The following GMDS variants were observed in gnomAD, a reference collection of about 807,000 sequenced individuals.
The protein encoded by GMDS is GDP-mannose 4,6-dehydratase.
Under a neutral mutation model 49.9 loss-of-function variants are expected in GMDS, and 20 were observed. That is an observed-to-expected ratio of 0.40 (90% confidence interval 0.28 to 0.58). The LOEUF is 0.58. Among genes scored for constraint, GMDS ranks in the 20% least tolerant of loss-of-function variants. GMDS has a pLI of 0.42. For missense variants in GMDS, 362 were observed against 481.4 expected, an observed-to-expected ratio of 0.75 and a Z score of 2.32; for synonymous variants, 177 against 178.6, an observed-to-expected ratio of 0.99 and a Z score of 0.07.
At chr6:1,986,582 A>T (rs1432558753) in intron 4 of GMDS, among the ~76,000 whole-genome samples, 1 of 152,204 alleles carries the variant, frequency 6.6e-6, no homozygotes, top group Non-Finnish European at 1.5e-5. Context: ...TAATCTTCAG[A>T]CTTCTCTGTG....
intron 7 of GMDS, among the ~76,000 whole-genome samples, chr6:1,848,225 C>T (rs140534814): frequency 6.6e-5 from 10 of 152,318 alleles, no homozygotes; most frequent in Non-Finnish European, 1.5e-4. Context: ...TCATCATCTA[C>T]CGCTTGTAGA....
Position 2,051,885 on chromosome 6 carries a change from T to G in GMDS, c.345+63886A>C, listed in dbSNP as rs549324637. ...TGTAATGCCAGCACTTTGGGAGGCC[T>G]AGGCGGGCAGATCACGAGGTCAGGA... On this transcript the variant is annotated intron_variant, in intron 4 of 10. Coordinates refer to ENST00000380815, the MANE Select transcript of GMDS (RefSeq NM_001500.4). 4.5e-4 allele frequency among the ~76,000 whole-genome samples: 68 copies of G among 152,002 alleles called. No homozygotes were observed. The East Asian group carries it at 0.012, about 27-fold the overall frequency.
intron 4 of GMDS, among the ~76,000 whole-genome samples, chr6:1,999,319 TCA>T (rs143733673): frequency 0.55 from 58,419 of 105,470 alleles, 12,252 homozygotes; most frequent in Non-Finnish European, 0.58. Context: ...AGACTCTGTC[TCA>T]AAAAAAAAAA....
chr6:2,220,106 C>T (rs1007133074), intron 1 of GMDS, among the ~76,000 whole-genome samples: 1 of 152,150 alleles, frequency 6.6e-6, no homozygotes, highest in African/African-American at 2.4e-5. Flanking sequence ...TGTATAAAAT[C>T]AAAGACTTGT....
chr6:1,751,575 C>T (rs1177237140), intron 7 of GMDS, among the ~76,000 whole-genome samples: 1 of 152,212 alleles, frequency 6.6e-6, no homozygotes, highest in African/African-American at 2.4e-5. Flanking sequence ...CTCACTGCAA[C>T]CTCCGCCTCC....
At chr6:1,631,908 A>C (rs921160077) in intron 9 of GMDS, among the ~76,000 whole-genome samples, 4 of 152,198 alleles carry the variant, frequency 2.6e-5, no homozygotes, top group Non-Finnish European at 5.9e-5. Context: ...AAATTTTTGG[A>C]GAGGTATGGA....
intron 4 of GMDS, among the ~76,000 whole-genome samples, chr6:2,025,888 C>T (rs1433201917): frequency 3.3e-5 from 5 of 152,130 alleles, no homozygotes; most frequent in African/African-American, 1.2e-4. Context: ...TTCTAACAGT[C>T]ACATGGCAAA....
At chr6:1,738,172 TAC>T (rs1224645304) in intron 8 of GMDS, among the ~76,000 whole-genome samples, 72 of 135,740 alleles carry the variant, frequency 5.3e-4, no homozygotes, top group African/African-American at 8.1e-4. Flanking sequence ...CACAGACACA[TAC>T]ACACACACAT....
chr6:1,664,070 T>C (rs1764167645), intron 9 of GMDS, among the ~76,000 whole-genome samples: 1 of 152,242 alleles, frequency 6.6e-6, no homozygotes, highest in Non-Finnish European at 1.5e-5. Flanking sequence ...TGCCCCGTTA[T>C]AGTTCTTTAC....
chr6:2,061,192 G>A (rs1163756153), intron 4 of GMDS, among the ~76,000 whole-genome samples: 2 of 152,054 alleles, frequency 1.3e-5, no homozygotes, highest in Non-Finnish European at 2.9e-5. Context: ...GACGGGAAAC[G>A]AAGGTGGAAC....
chr6:2,004,975 C>A (rs1028720273), intron 4 of GMDS, among the ~76,000 whole-genome samples: 1 of 152,028 alleles, frequency 6.6e-6, no homozygotes, highest in African/African-American at 2.4e-5. Flanking sequence ...GATTTAATAA[C>A]CAGATAAGGG....
At chr6:1,914,477 A>G (rs192037687) in intron 7 of GMDS, among the ~76,000 whole-genome samples, 3,108 of 151,926 alleles carry the variant, frequency 0.02, 101 homozygotes, top group Admixed American at 0.09. Context: ...AAAAAAAAAA[A>G]AAAGAAAAAA....
chr6:1,907,976 G>T (rs2875711), intron 7 of GMDS, among the ~76,000 whole-genome samples: 2 of 151,978 alleles, frequency 1.3e-5, no homozygotes, highest in African/African-American at 2.4e-5. Flanking sequence ...CACAGTAAGA[G>T]CTTAACAACA....
intron 7 of GMDS, among the ~76,000 whole-genome samples, chr6:1,767,905 G>T (rs1304751011): frequency 6.6e-6 from 1 of 152,034 alleles, no homozygotes; most frequent in Admixed American, 6.6e-5. Context: ...AGCTGCTGTA[G>T]AATTGCTCAG....
At chr6:1,663,633 A>G (rs369958166) in intron 9 of GMDS, among the ~76,000 whole-genome samples, 18 of 152,090 alleles carry the variant, frequency 1.2e-4, no homozygotes, top group African/African-American at 4.1e-4. Context: ...TACTGCCCTC[A>G]CCATTTCTCT....
intron 7 of GMDS, among the ~76,000 whole-genome samples, chr6:1,882,442 G>T (rs1759407224): frequency 2.6e-5 from 4 of 152,170 alleles, no homozygotes; most frequent in Admixed American, 6.5e-5. Flanking sequence ...TGGCTAGAAT[G>T]AAATAAACCA....
intron 4 of GMDS, among the ~76,000 whole-genome samples, chr6:2,045,259 C>T (rs1434161139): frequency 3.9e-5 from 6 of 151,900 alleles, no homozygotes; most frequent in South Asian, 4.2e-4. Flanking sequence ...CATTTTTAGG[C>T]GTGTCTTTCT....
At chr6:1,736,680 G>C (rs943139351) in intron 8 of GMDS, among the ~76,000 whole-genome samples, 1 of 152,234 alleles carries the variant, frequency 6.6e-6, no homozygotes, top group African/African-American at 2.4e-5. Flanking sequence ...CTATCTCAGG[G>C]ATCAACGGTG....
At chr6:2,090,238 A>C (rs1335759336) in intron 4 of GMDS, among the ~76,000 whole-genome samples, 2 of 152,226 alleles carry the variant, frequency 1.3e-5, no homozygotes, top group Non-Finnish European at 2.9e-5. Flanking sequence ...CAAAACAATA[A>C]ATTCAAATCT....
Sources: allele counts gnomAD v4.1 joint callset (sites outside exome capture counted in the v4.1 genomes callset), GRCh38; gene constraint gnomAD v4.1.1; transcripts MANE v1.5; gene names NCBI Gene and HGNC (gene_info 2026-07-23, HGNC 2026-07-21).